Variants in PURG observed in about 807,000 individuals in gnomAD.
PURG encodes the protein purine rich element binding protein G.
In PURG, 3 loss-of-function variants were observed where a neutral mutation model predicts 24.3. That is an observed-to-expected ratio of 0.12 (90% CI 0.06 to 0.32). The LOEUF is 0.32. PURG is among the 10% of genes least tolerant of loss of function. The probability of loss-of-function intolerance (pLI) is 1.00; values close to 1 mark genes in which losing one functional copy is unlikely to be tolerated. For missense variants in PURG, 371 were observed against 439.1 expected (o/e 0.84, Z 1.39); for synonymous variants, 180 against 173.1 (o/e 1.04, Z -0.31).
At position 31,032,075 on chromosome 8, in the gene PURG, C is replaced by T. The variant is rs776451796; in HGVS notation, c.708G>A (p.Leu236=). The T allele has an allele frequency of 3.1e-6, 5 of 1,614,178 alleles. No individual in the cohort carries two copies. The highest frequency in any genetic ancestry group is 4.2e-6 in the Non-Finnish European group (5 of 1,180,024). ...AQGMIEFRDA[L]VQLIEDYGEG... ...CGCCATAGTCTTCAATCAGCTGAACCAAGGCATCACGAAACTCAATCATTC... is the reference window on the plus strand; with the variant it reads ...CGCCATAGTCTTCAATCAGCTGAACTAAGGCATCACGAAACTCAATCATTC... Residue 236 remains leucine (L), a synonymous_variant, in exon 2 of 2, where the codon TTG becomes TTA. Coordinates refer to ENST00000523392, the MANE Select transcript of PURG (RefSeq NM_001323311.2). This position sits in a 1 kb window ranked among gnomAD's most constrained non-coding sequence, Gnocchi z 5.9.
chr8:31,029,925 T>C (rs150334339), downstream of PURG, among the ~76,000 whole-genome samples: 130 of 152,018 alleles, frequency 8.6e-4, 1 homozygote, highest in African/African-American at 2.6e-3. Context: ...TCTCCTAACC[T>C]TCAGTTGTTC....
rs527913277 is a variant in PURG, at chr8:31,021,074, G to A, written c.864+10845C>T. Among the ~76,000 whole-genome samples the A allele has an allele frequency of 4.6e-5, 7 of 152,226 alleles. No homozygotes were observed. In the East Asian group the frequency reaches 1.4e-3, roughly 29 times the overall value. On this transcript the variant is annotated intron_variant, in intron 1 of 1. Coordinates refer to the PURG transcript ENST00000339382. ...TGGAGAATTATCTGTTTATTGTACT[G>A]GAATTAAGAGAAAGAGGAGGAAATT... is the stretch of plus-strand genomic sequence containing the variant.
In PURG at chr8:31,002,373, G is replaced by C. The variant is rs191592213; in HGVS notation, c.865-5676C>G. ...ATATATTTTCTTTTAAAAAAGGATA[G>C]TTAAATCCCAAAAGTTTGATGTGTT... On this transcript the variant is annotated intron_variant, in intron 1 of 1. Coordinates refer to the PURG transcript ENST00000339382. Among the ~76,000 whole-genome samples, 114 of 151,226 alleles carry C rather than the reference G, an allele frequency of 7.5e-4. 1 individual carries two copies. Among genetic ancestry groups the C allele is most frequent in the South Asian group, 1.9e-3 (9 of 4,830 alleles).
At chr8:31,019,485 C>T (rs916754461) in intron 1 of PURG, among the ~76,000 whole-genome samples, 3 of 150,834 alleles carry the variant, frequency 2.0e-5, no homozygotes, top group Non-Finnish European at 4.4e-5. Context: ...AGGAGCCTGC[C>T]AACACGCCTG....
chr8:31,028,050 A>C (rs1203980134), downstream of PURG, among the ~76,000 whole-genome samples: 2 of 151,808 alleles, frequency 1.3e-5, no homozygotes, highest in African/African-American at 2.4e-5. Flanking sequence ...TTACTTAAAC[A>C]CATATCAACA....
At chr8:31,004,307 T>C (rs1810600710) in intron 1 of PURG, among the ~76,000 whole-genome samples, 1 of 152,230 alleles carries the variant, frequency 6.6e-6, no homozygotes, top group African/African-American at 2.4e-5. Flanking sequence ...TATTACATAA[T>C]TTTAAGAGGG....
At chr8:31,027,944 C>T (rs1287148832), downstream of PURG, among the ~76,000 whole-genome samples, 1 of 151,688 alleles carries the variant, frequency 6.6e-6, no homozygotes, top group Non-Finnish European at 1.5e-5. Flanking sequence ...TAACTTGAAA[C>T]CTTACTTCTT....
chr8:31,024,460 T>G (rs1170577998), intron 1 of PURG, among the ~76,000 whole-genome samples: 3 of 152,176 alleles, frequency 2.0e-5, no homozygotes, highest in Non-Finnish European at 4.4e-5. Context: ...GAATTACGTC[T>G]TATTATTCTT....
At chr8:31,026,342 C>A (rs1811087961), downstream of PURG, among the ~76,000 whole-genome samples, 1 of 151,406 alleles carries the variant, frequency 6.6e-6, no homozygotes. Context: ...GAGGGGAATA[C>A]AGGAAGGCAA....
intron 1 of PURG, among the ~76,000 whole-genome samples, chr8:31,003,255 AC>A (rs1810575151): frequency 6.6e-6 from 1 of 152,222 alleles, no homozygotes; most frequent in South Asian, 2.1e-4. Flanking sequence ...AAAGGAAAGC[AC>A]GTGTATTTTA....
At position 31,032,168 on chromosome 8, in the gene PURG, C is replaced by T; in HGVS notation, c.615G>A (p.Gly205=). ...GGCCAAAATAACCTATCATGCCAGTCCCCCGCATCATGGTTTGTCTAATCC... is the reference window on the plus strand; with the variant it reads ...GGCCAAAATAACCTATCATGCCAGTTCCCCGCATCATGGTTTGTCTAATCC... The part of the protein sequence containing the change: ...FLRIRQTMMR[G]TGMIGYFGHS... The change falls in exon 2 of 2, where the codon GGG becomes GGA. Residue 205 remains glycine (G), a synonymous_variant. Transcript: ENST00000523392. The surrounding 1 kb of genome is among the most constrained non-coding windows in gnomAD (Gnocchi z 5.9). The T allele has an allele frequency of 3.1e-6, 5 of 1,614,196 alleles. No homozygotes were observed. The highest frequency in any genetic ancestry group is 3.4e-6 in the Non-Finnish European group (4 of 1,180,034).
At chr8:31,015,108 T>C (rs1174077035) in intron 1 of PURG, among the ~76,000 whole-genome samples, 1 of 152,196 alleles carries the variant, frequency 6.6e-6, no homozygotes, top group East Asian at 1.9e-4. Flanking sequence ...ACATATTGCT[T>C]ATTTTAAAGA....
At chr8:31,005,771 CTTTTTT>C (rs67428647) in intron 1 of PURG, among the ~76,000 whole-genome samples, 8,226 of 142,220 alleles carry the variant, frequency 0.058, 393 homozygotes, top group Admixed American at 0.16. Flanking sequence ...TTTCTTTTTT[CTTTTTT>C]TTTTTTTTCA....
intron 1 of PURG, among the ~76,000 whole-genome samples, chr8:30,997,360 A>G (rs1171085676): frequency 2.0e-5 from 3 of 151,766 alleles, no homozygotes; most frequent in African/African-American, 7.2e-5. Context: ...TACATTGAAG[A>G]TTGTTCATGC....
chr8:31,023,200 T>C (rs899384935), intron 1 of PURG, among the ~76,000 whole-genome samples: 3 of 152,246 alleles, frequency 2.0e-5, no homozygotes, highest in East Asian at 1.9e-4. Context: ...ATTCATTCTA[T>C]AGAATTTGTT....
chr8:31,015,003 T>G (rs1810832458), intron 1 of PURG, among the ~76,000 whole-genome samples: 1 of 152,238 alleles, frequency 6.6e-6, no homozygotes, highest in Admixed American at 6.5e-5. Flanking sequence ...TTTTTGCATG[T>G]GAGAATTCTA....
At chr8:31,015,020 C>T (rs1352740102) in intron 1 of PURG, among the ~76,000 whole-genome samples, 2 of 152,140 alleles carry the variant, frequency 1.3e-5, no homozygotes, top group African/African-American at 4.8e-5. Context: ...TCTAACAATA[C>T]AGGAGATAAG....
chr8:31,016,577 GAACCAAA>G lies in PURG; in HGVS notation c.864+15335_864+15341del, dbSNP rs1396590093. ...GGAAGAAAGAATGCAAGTCTACCAAGAACCAAAAAAAAAAAAAAAAAAAAAAAAAAAA... is the reference window on the plus strand; with the variant it reads ...GGAAGAAAGAATGCAAGTCTACCAAGAAAAAAAAAAAAAAAAAAAAAAAAA... On this transcript the variant is annotated intron_variant, in intron 1 of 1. Coordinates refer to the PURG transcript ENST00000339382. Among the ~76,000 whole-genome samples the G allele has an allele frequency of 5.4e-4, 20 of 37,336 alleles. 1 individual carries two copies. The South Asian group carries it at 5.5e-3, about 10-fold the overall frequency. The allele number at this position is 37,336 out of a possible 152,430, so 24.5% of individuals were successfully genotyped here.
At chr8:31,006,460 G>T (rs182360852) in intron 1 of PURG, among the ~76,000 whole-genome samples, 2 of 152,260 alleles carry the variant, frequency 1.3e-5, no homozygotes, top group Non-Finnish European at 2.9e-5. Context: ...GAGGCGTGGT[G>T]GTGGGCGCCT....
Sources: allele counts gnomAD v4.1 joint callset (sites outside exome capture counted in the v4.1 genomes callset), GRCh38; gene constraint gnomAD v4.1.1; non-coding constraint Gnocchi (gnomAD v3.1); transcripts MANE v1.5; gene names NCBI Gene and HGNC (gene_info 2026-07-23, HGNC 2026-07-21).